RAD51B: variants seen among roughly 807,000 people sequenced by gnomAD.
RAD51B encodes the protein DNA repair protein RAD51 homolog 2.
RAD51B carries 38 observed loss-of-function variants against 42.2 expected under a neutral mutation model. That is an observed-to-expected ratio of 0.90 (90% CI 0.70 to 1.18). The LOEUF (loss-of-function observed/expected upper bound fraction) is 1.18. Ranked by LOEUF, RAD51B falls within the 50% of genes most tolerant of loss-of-function variation. The probability of loss-of-function intolerance (pLI) is 0.00; values close to 1 mark genes in which losing one functional copy is unlikely to be tolerated. For synonymous variants in RAD51B, 154 were observed against 145.2 expected, an observed-to-expected ratio of 1.06 and a Z score of -0.43; for missense variants, 373 against 400.7, an observed-to-expected ratio of 0.93 and a Z score of 0.59.
At chr14:68,576,448 C>A (rs1052124154) in intron 10 of RAD51B, among the ~76,000 whole-genome samples, 1 of 152,162 alleles carries the variant, frequency 6.6e-6, no homozygotes, top group African/African-American at 2.4e-5. Flanking sequence ...GAAGTAAAGC[C>A]CCCACTAGAA....
chr14:68,443,721 TC>T (rs1358611338), intron 9 of RAD51B, among the ~76,000 whole-genome samples: 16 of 152,188 alleles, frequency 1.1e-4, no homozygotes, highest in African/African-American at 2.9e-4. Flanking sequence ...AGATGGGAAT[TC>T]TGAGAGCTGC....
At chr14:68,524,530 G>A (rs1343929790) in intron 10 of RAD51B, among the ~76,000 whole-genome samples, 1 of 152,126 alleles carries the variant, frequency 6.6e-6, no homozygotes, top group African/African-American at 2.4e-5. Flanking sequence ...CCACAGGCTC[G>A]AGCTGGCTTT....
chr14:68,147,582 A>T (rs1246831276), intron 7 of RAD51B, among the ~76,000 whole-genome samples: 1 of 152,202 alleles, frequency 6.6e-6, no homozygotes, highest in Non-Finnish European at 1.5e-5. Context: ...TATCCCTTGT[A>T]ATCTGATATC....
chr14:67,899,361 A>C (rs2043536376), intron 7 of RAD51B, among the ~76,000 whole-genome samples: 1 of 152,010 alleles, frequency 6.6e-6, no homozygotes. Flanking sequence ...GATTATTTTA[A>C]TGTTGACTCA....
At chr14:68,155,631 G>T (rs941322893) in intron 7 of RAD51B, among the ~76,000 whole-genome samples, 3 of 152,128 alleles carry the variant, frequency 2.0e-5, no homozygotes, top group African/African-American at 7.2e-5. Context: ...CTCTTCTTAT[G>T]GTTCCTATAA....
intron 7 of RAD51B, among the ~76,000 whole-genome samples, chr14:68,239,234 A>G (rs1025605702): frequency 2.6e-5 from 4 of 151,992 alleles, no homozygotes; most frequent in African/African-American, 4.8e-5. Flanking sequence ...TGTCCTTCCT[A>G]TGGCATTTCT....
chr14:68,233,515 C>G (rs1020810108), intron 7 of RAD51B, among the ~76,000 whole-genome samples: 1 of 152,178 alleles, frequency 6.6e-6, no homozygotes, highest in Non-Finnish European at 1.5e-5. Flanking sequence ...TCATTCAATT[C>G]ATGAACATTC....
chr14:68,328,643 A>C (rs1228420038), intron 8 of RAD51B, among the ~76,000 whole-genome samples: 1 of 151,730 alleles, frequency 6.6e-6, no homozygotes, highest in Non-Finnish European at 1.5e-5. Context: ...CCATCCTCCA[A>C]CTCTAGAGGT....
chr14:68,395,287 C>A (rs1489246271), intron 8 of RAD51B, among the ~76,000 whole-genome samples: 1 of 152,136 alleles, frequency 6.6e-6, no homozygotes, highest in African/African-American at 2.4e-5. Flanking sequence ...AGCTGTTTTG[C>A]AAACACTATG....
At chr14:68,068,798 G>T (rs561451076) in intron 7 of RAD51B, among the ~76,000 whole-genome samples, 1 of 152,162 alleles carries the variant, frequency 6.6e-6, no homozygotes, top group African/African-American at 2.4e-5. Flanking sequence ...ATCTTCCATG[G>T]TTACATGACT....
intron 7 of RAD51B, among the ~76,000 whole-genome samples, chr14:68,033,588 A>C (rs1320647135): frequency 6.6e-6 from 1 of 152,202 alleles, no homozygotes; most frequent in African/African-American, 2.4e-5. Flanking sequence ...TTTTCAATTC[A>C]GTGTATCCTG....
chr14:68,495,347 AT>A (rs1884425134), intron 10 of RAD51B, among the ~76,000 whole-genome samples: 1 of 151,944 alleles, frequency 6.6e-6, no homozygotes, highest in African/African-American at 2.4e-5. Context: ...CCGAGAGAGG[AT>A]TCCTCCGAGC....
At chr14:67,847,326 C>CTT (rs60032578) in intron 4 of RAD51B, among the ~76,000 whole-genome samples, 42 of 105,626 alleles carry the variant, frequency 4.0e-4, no homozygotes, top group East Asian at 2.0e-3. Context: ...TTGGTTTGTT[C>CTT]TTTTTTTTTT....
intron 7 of RAD51B, among the ~76,000 whole-genome samples, chr14:67,909,343 A>G (rs1326128724): frequency 6.6e-6 from 1 of 152,250 alleles, no homozygotes; most frequent in East Asian, 1.9e-4. Flanking sequence ...GGAAAAATTG[A>G]TAATACCTAG....
At chr14:68,198,604 A>G (rs990369475) in intron 7 of RAD51B, among the ~76,000 whole-genome samples, 2 of 152,154 alleles carry the variant, frequency 1.3e-5, no homozygotes, top group African/African-American at 2.4e-5. Context: ...GGTCTCCTTT[A>G]ATTTCACTCA....
chr14:68,309,854 A>C (rs561591618), intron 8 of RAD51B, among the ~76,000 whole-genome samples: 1 of 152,320 alleles, frequency 6.6e-6, no homozygotes, highest in East Asian at 1.9e-4. Flanking sequence ...AGCCAAAGGA[A>C]GTGAATAATC....
At chr14:67,913,413 G>A (rs56325830) in intron 7 of RAD51B, among the ~76,000 whole-genome samples, 30 of 152,252 alleles carry the variant, frequency 2.0e-4, no homozygotes, top group African/African-American at 6.7e-4. Flanking sequence ...GACTTTATCA[G>A]GTATCTGCAA....
intron 8 of RAD51B, among the ~76,000 whole-genome samples, chr14:68,299,701 GATTTCCACCTA>G (rs1210967780): frequency 6.6e-6 from 1 of 152,152 alleles, no homozygotes; most frequent in Admixed American, 6.5e-5. Context: ...GCAGAGTCAG[GATTTCCACCTA>G]GGGAGACTGG....
At chr14:67,903,415 C>T (rs2043677742) in intron 7 of RAD51B, among the ~76,000 whole-genome samples, 1 of 151,858 alleles carries the variant, frequency 6.6e-6, no homozygotes, top group African/African-American at 2.4e-5. Flanking sequence ...TTAGTGTAAC[C>T]ACCATTTAAG....
Sources: gnomAD v4.1 joint callset for allele counts (sites outside exome capture counted in the v4.1 genomes callset) on GRCh38, gnomAD v4.1.1 for gene constraint, MANE v1.5 for transcripts, NCBI Gene and HGNC (gene_info 2026-07-23, HGNC 2026-07-21) for gene names.